IQSEC1: variants seen among roughly 807,000 people sequenced by gnomAD.
IQSEC1 encodes the protein IQ motif and SEC7 domain-containing protein 1.
A neutral mutation model predicts 91.0 loss-of-function variants in IQSEC1; 31 were observed. The ratio of observed to expected loss-of-function variants is 0.34; its 90% confidence interval spans 0.26 to 0.46. The LOEUF is 0.46. IQSEC1 is among the 20% of genes least tolerant of loss of function. IQSEC1 has a pLI of 1.00. For missense variants in IQSEC1, 1,388 were observed against 1,575.6 expected (o/e 0.88, Z 2.02); for synonymous variants, 699 against 662.6 (o/e 1.05, Z -0.84).
chr3:13,088,556 C>A (rs1705780585), intron 2 of IQSEC1, among the ~76,000 whole-genome samples: 1 of 152,134 alleles, frequency 6.6e-6, no homozygotes, highest in Non-Finnish European at 1.5e-5. Context: ...TCCCTACCCT[C>A]CTTGATTCAG....
chr3:12,996,083 C>T (rs1299755178), intron 1 of IQSEC1, among the ~76,000 whole-genome samples: 1 of 152,078 alleles, frequency 6.6e-6, no homozygotes, highest in East Asian at 1.9e-4. Context: ...ATTGCTTAAG[C>T]CCAGGAGTTC....
In IQSEC1 at chr3:12,924,862, T is replaced by G; in HGVS notation, c.1569-120A>C. The G allele has an allele frequency of 1.1e-6, 1 of 940,042 alleles. No homozygotes were observed. The highest frequency in any genetic ancestry group is 1.6e-6 in the Non-Finnish European group (1 of 644,786). 58.2% of individuals were successfully genotyped at this position (940,042 alleles called of 1,614,324 possible). On this transcript the variant is annotated intron_variant, in intron 3 of 13. Coordinates refer to ENST00000613206, the MANE Select transcript of IQSEC1 (RefSeq NM_001134382.3). The surrounding 1 kb of genome is among the most constrained non-coding windows in gnomAD (Gnocchi z 6.3). Reference sequence around the variant, plus strand: ...CCCTCCCTGCCCACCTGCACCGGCCTTCATCCCTGTAGGCATTCAGGGGTC... The same window carrying G: ...CCCTCCCTGCCCACCTGCACCGGCCGTCATCCCTGTAGGCATTCAGGGGTC...
In IQSEC1 at chr3:13,114,239, TTGG is replaced by T. The variant is rs752365711; in HGVS notation, c.302+49862_302+49864del. 7.2e-5 allele frequency among the ~76,000 whole-genome samples: 11 copies of T among 152,184 alleles called. No individual in the cohort carries two copies. The East Asian group carries it at 1.7e-3, about 24-fold the overall frequency. ...GCAGGATGCGGGTGGGGATACAGAATTGGTGGTGTTTTTCTCGGGTGTGGCTCT... is the reference window on the plus strand; with the variant it reads ...GCAGGATGCGGGTGGGGATACAGAATTGGTGTTTTTCTCGGGTGTGGCTCT... On this transcript the variant is annotated intron_variant, in intron 2 of 15. Coordinates refer to the IQSEC1 transcript ENST00000648114.
intron 1 of IQSEC1, among the ~76,000 whole-genome samples, chr3:13,060,909 A>C (rs1351418909): frequency 6.6e-6 from 1 of 151,812 alleles, no homozygotes; most frequent in Admixed American, 6.6e-5. Flanking sequence ...CCCAGGGGGG[A>C]GCCTTGAGAG....
At position 13,194,802 on chromosome 3, in the gene IQSEC1, C is replaced by T. The variant is rs78462599; in HGVS notation, c.273-30669G>A. ...CGAGGGACCTCCAGGCTCAGACATC[C>T]GCAGGCAATACGAGCAAACTCCAGC... is the stretch of plus-strand genomic sequence containing the variant. On this transcript the variant is annotated intron_variant, in intron 1 of 15. Transcript: ENST00000648114. 1.4e-3 allele frequency among the ~76,000 whole-genome samples: 210 copies of T among 152,304 alleles called. 2 individuals carry two copies. In the East Asian group the frequency reaches 0.035, roughly 25 times the overall value.
intron 1 of IQSEC1, among the ~76,000 whole-genome samples, chr3:13,232,839 A>G (rs552363573): frequency 5.9e-5 from 9 of 152,334 alleles, no homozygotes; most frequent in Non-Finnish European, 1.5e-5. Context: ...TGACCCACAC[A>G]ACAATATGGA....
chr3:13,185,063 G>A (rs1693907896), intron 1 of IQSEC1, among the ~76,000 whole-genome samples: 2 of 152,150 alleles, frequency 1.3e-5, no homozygotes, highest in African/African-American at 4.8e-5. Context: ...TTTCAGATTC[G>A]GGGGATCTGA....
chr3:13,204,719 CTA>C (rs1467336645), intron 1 of IQSEC1, among the ~76,000 whole-genome samples: 2 of 151,614 alleles, frequency 1.3e-5, no homozygotes, highest in African/African-American at 4.8e-5. Context: ...TCCGTTTTCT[CTA>C]TCTCTTTCTT....
At chr3:13,093,487 C>T (rs544978095) in intron 2 of IQSEC1, among the ~76,000 whole-genome samples, 1 of 152,232 alleles carries the variant, frequency 6.6e-6, no homozygotes, top group Non-Finnish European at 1.5e-5. Context: ...CATGCGCAGA[C>T]GAGGGGCTTC....
At chr3:13,044,720 C>T (rs1704427299) in intron 1 of IQSEC1, among the ~76,000 whole-genome samples, 1 of 152,200 alleles carries the variant, frequency 6.6e-6, no homozygotes, top group Non-Finnish European at 1.5e-5. Context: ...AGGACATTAG[C>T]TTCCCTCTCA....
chr3:13,007,244 CA>C (rs1480752712), intron 1 of IQSEC1, among the ~76,000 whole-genome samples: 1 of 152,246 alleles, frequency 6.6e-6, no homozygotes, highest in East Asian at 1.9e-4. Context: ...GGAAGAGGGT[CA>C]GGGGAGCTGC....
chr3:12,906,814 G>A (rs1261424868), intron 12 of IQSEC1, among the ~76,000 whole-genome samples: 1 of 152,212 alleles, frequency 6.6e-6, no homozygotes, highest in African/African-American at 2.4e-5. Context: ...TGCCTGAGAG[G>A]GGCTAAGGGA....
At chr3:13,204,394 A>G (rs1297773301) in intron 1 of IQSEC1, among the ~76,000 whole-genome samples, 1 of 152,252 alleles carries the variant, frequency 6.6e-6, no homozygotes, top group Non-Finnish European at 1.5e-5. Context: ...ACCGCCCCAC[A>G]TCGGCCGAGG....
rs1376381809 is a variant in IQSEC1 at position 12,967,495 on chromosome 3, G to A, written c.24-25630C>T. 1.2e-5 allele frequency: 18 copies of A among 1,462,422 alleles called. No homozygotes were observed. The highest frequency in any genetic ancestry group is 2.9e-5 in the East Asian group (1 of 34,602). The allele number at this position is 1,462,422 out of a possible 1,614,324, so 90.6% of individuals were successfully genotyped here. ...GGGCCGGGCCGGGAGCCGGGACCCA[G>A]GCCCAGCAGAGGCCGCCGACTCCCG... On this transcript the variant is annotated intron_variant, in intron 1 of 13. Transcript: ENST00000613206. This position sits in a 1 kb window ranked among gnomAD's most constrained non-coding sequence, Gnocchi z 5.9.
In IQSEC1 at chr3:12,899,578, A is replaced by G. The variant is rs923369241; in HGVS notation, c.*1405T>C. On this transcript the variant is annotated 3_prime_UTR_variant, in exon 14 of 14. Transcript: ENST00000613206. ...TGATGCCCTGGCAGCTCACTGGACCATGGGAAGGCAGCGGGGGCTCCGCCG... is the reference window on the plus strand; with the variant it reads ...TGATGCCCTGGCAGCTCACTGGACCGTGGGAAGGCAGCGGGGGCTCCGCCG... 2.4e-5 allele frequency: 35 copies of G among 1,477,290 alleles called. No individual in the cohort carries two copies. Among genetic ancestry groups the G allele is most frequent in the Non-Finnish European group, 3.0e-5 (33 of 1,105,592 alleles). The allele number at this position is 1,477,290 out of a possible 1,614,324, so 91.5% of individuals were successfully genotyped here.
chr3:13,194,988 C>G (rs902557658), intron 1 of IQSEC1, among the ~76,000 whole-genome samples: 2 of 152,164 alleles, frequency 1.3e-5, no homozygotes, highest in Non-Finnish European at 1.5e-5. Flanking sequence ...AAAGAAAAAG[C>G]AGGAAGTTGG....
rs547242290 is a variant in IQSEC1, at chr3:12,928,246, C to T, written c.1569-3504G>A. Among the ~76,000 whole-genome samples, 31 of 150,150 alleles carry T rather than the reference C, an allele frequency of 2.1e-4. No individual in the cohort carries two copies. In the South Asian group the frequency reaches 3.2e-3, roughly 15 times the overall value. ...TGGGTGGGGGTGGCCGAGGTGGGGG[C>T]GGTGGAGGTAGGAGCAAGAAGGACA... On this transcript the variant is annotated intron_variant, in intron 3 of 13. Coordinates refer to ENST00000613206, the MANE Select transcript of IQSEC1 (RefSeq NM_001134382.3).
chr3:13,125,692 C>T (rs1440757293), intron 2 of IQSEC1, among the ~76,000 whole-genome samples: 2 of 152,246 alleles, frequency 1.3e-5, no homozygotes, highest in Non-Finnish European at 2.9e-5. Flanking sequence ...ATCCACCATA[C>T]TGGGATTCCG....
At chr3:13,188,093 C>T (rs2047515) in intron 1 of IQSEC1, among the ~76,000 whole-genome samples, 17,293 of 152,234 alleles carry the variant, frequency 0.11, 1,158 homozygotes, top group East Asian at 0.3. Context: ...TTGCCAGCCA[C>T]GCCTGGCCTG....
Sources: allele counts gnomAD v4.1 joint callset (sites outside exome capture counted in the v4.1 genomes callset), GRCh38; gene constraint gnomAD v4.1.1; non-coding constraint Gnocchi (gnomAD v3.1); transcripts MANE v1.5; gene names NCBI Gene and HGNC (gene_info 2026-07-23, HGNC 2026-07-21).